GAPVD1: variants seen among roughly 807,000 people sequenced by gnomAD.
GAPVD1 encodes GTPase-activating protein and VPS9 domain-containing protein 1.
GAPVD1 carries 35 observed loss-of-function variants against 155.5 expected under a neutral mutation model. The ratio of observed to expected loss-of-function variants is 0.23; its 90% CI spans 0.17 to 0.30. The LOEUF (loss-of-function observed/expected upper bound fraction) is 0.30. Ranked by LOEUF, GAPVD1 falls within the 10% of genes least tolerant of loss-of-function variation. GAPVD1 has a pLI of 1.00. For missense variants in GAPVD1, 1,429 were observed against 1,775.7 expected (o/e 0.80, Z 3.51); for synonymous variants, 636 against 619.7 (o/e 1.03, Z -0.39).
chr9:125,272,443 G>T (rs1431604876), intron 2 of GAPVD1, among the ~76,000 whole-genome samples: 3 of 152,198 alleles, frequency 2.0e-5, no homozygotes, highest in South Asian at 2.1e-4. Flanking sequence ...ATTGCAGGTT[G>T]TGATAGGCCA....
At chr9:125,320,043 C>T (rs1459440632) in intron 9 of GAPVD1, among the ~76,000 whole-genome samples, 1 of 151,930 alleles carries the variant, frequency 6.6e-6, no homozygotes, top group Non-Finnish European at 1.5e-5. Context: ...AAAATTGTAT[C>T]TATTTATGGT....
intron 2 of GAPVD1, among the ~76,000 whole-genome samples, chr9:125,270,633 A>G (rs1463224713): frequency 6.6e-6 from 1 of 152,072 alleles, no homozygotes; most frequent in African/African-American, 2.4e-5. Flanking sequence ...AGTTTCTAAT[A>G]TTTAATATAT....
intron 16 of GAPVD1, 60 bp from the exon 17 acceptor site, chr9:125,337,160 GT>G: frequency 6.2e-7 from 1 of 1,606,044 alleles, no homozygotes; most frequent in Non-Finnish European, 8.5e-7. Flanking sequence ...AAATCCCCTT[GT>G]TAATGCCTTT....
At chr9:125,353,170 C>T (rs1056755705) in intron 23 of GAPVD1, among the ~76,000 whole-genome samples, 15 of 152,080 alleles carry the variant, frequency 9.9e-5, no homozygotes, top group African/African-American at 3.4e-4. Context: ...TGCTTTGCTG[C>T]TTAGAAATTT....
Position 125,320,054 on chromosome 9 carries a change from A to G in GAPVD1, c.1603-1379A>G, listed in dbSNP as rs548503503. Among the ~76,000 whole-genome samples, 38 of 152,310 alleles carry G rather than the reference A, an allele frequency of 2.5e-4. 1 individual carries two copies. The South Asian group carries it at 7.9e-3, about 32-fold the overall frequency. ...TGACAAAATTGTATCTATTTATGGT[A>G]TACATGTTTTGATATACATTGTGGA... On this transcript the variant is annotated intron_variant, in intron 9 of 27. Transcript: ENST00000297933.
chr9:125,313,885 A>C (rs566642124), intron 9 of GAPVD1, among the ~76,000 whole-genome samples: 1 of 152,174 alleles, frequency 6.6e-6, no homozygotes, highest in Admixed American at 6.6e-5. Context: ...ACAGGTGTGA[A>C]TCACTGCACC....
rs1473311039 is a variant in GAPVD1, at chr9:125,325,197, C to G, written c.1859-1219C>G. 4.0e-5 allele frequency among the ~76,000 whole-genome samples: 6 copies of G among 151,056 alleles called. No homozygotes were observed. In the East Asian group the frequency reaches 1.2e-3, roughly 29 times the overall value. The stretch of plus-strand genomic sequence containing the variant: ...CTGAGATCGCACCACTGCACTCTAG[C>G]CTGGGCGACAGAGTGAGACTCTGAT... On this transcript the variant is annotated intron_variant, in intron 11 of 27. Transcript: ENST00000297933.
intron 1 of GAPVD1, among the ~76,000 whole-genome samples, chr9:125,264,252 T>C (rs979451203): frequency 3.3e-5 from 5 of 152,196 alleles, no homozygotes; most frequent in African/African-American, 7.2e-5. Flanking sequence ...TGGAGTGCAG[T>C]GGCATGATCT....
At position 125,330,861 on chromosome 9, in the gene GAPVD1, C is replaced by G. The variant is rs545133479; in HGVS notation, c.2173+643C>G. On this transcript the variant is annotated intron_variant, in intron 13 of 27. Transcript: ENST00000297933. ...TCATGACAGGATAAGAGTAGCAACA[C>G]AGTTCAAACTGAGTGCTTGCTTGGT... Among the ~76,000 whole-genome samples, 6 of 152,280 alleles carry G rather than the reference C, an allele frequency of 3.9e-5. No homozygotes were observed. In the East Asian group the frequency reaches 1.2e-3, roughly 29 times the overall value.
intron 23 of GAPVD1, among the ~76,000 whole-genome samples, chr9:125,353,124 T>A (rs532231845): frequency 2.0e-5 from 3 of 150,458 alleles, no homozygotes; most frequent in East Asian, 2.0e-4. Flanking sequence ...AAAAAAAAAA[T>A]GAATACCTTT....
rs112918990 is a variant in GAPVD1 at position 125,337,211 on chromosome 9, T to C, written c.2507-10T>C. On this transcript the variant is annotated splice_polypyrimidine_tract_variant and intron_variant, in intron 16 of 27. Coordinates refer to ENST00000297933, the MANE Select transcript of GAPVD1 (RefSeq NM_001282680.3). ...GTCTCAGTTACAAAACTTTTTTTCCTGTGTTGCAGGGGCTTCTGCTGTGGT... is the reference window on the plus strand; with the variant it reads ...GTCTCAGTTACAAAACTTTTTTTCCCGTGTTGCAGGGGCTTCTGCTGTGGT... The C allele has an allele frequency of 6.2e-7, 1 of 1,612,576 alleles. No individual in the cohort carries two copies. Among genetic ancestry groups the C allele is most frequent in the Non-Finnish European group, 8.5e-7 (1 of 1,179,064 alleles).
At chr9:125,265,800 C>T (rs1183411728) in intron 1 of GAPVD1, among the ~76,000 whole-genome samples, 1 of 147,146 alleles carries the variant, frequency 6.8e-6, no homozygotes, top group Non-Finnish European at 1.5e-5. Context: ...GGCGTGGTAG[C>T]TCATGCCTAT....
At chr9:125,308,807 G>C (rs961793765) in intron 8 of GAPVD1, 1 of 152,210 alleles carries the variant, frequency 6.6e-6, no homozygotes, top group African/African-American at 2.4e-5. Context: ...GCTGTTGATA[G>C]TTTAGTTAGG....
chr9:125,367,104 A>T lies in GAPVD1; in HGVS notation c.*4358A>T, dbSNP rs945839432. 1 of 152,224 alleles carries T rather than the reference A, an allele frequency of 6.6e-6. No individual in the cohort carries two copies. The highest frequency in any genetic ancestry group is 2.4e-5 in the African/African-American group (1 of 41,462). The allele number at this position is 152,224 out of a possible 1,614,324, so 9.4% of individuals were successfully genotyped here. ...AAGTCTCAATTAATGAGCTTGCACA[A>T]TCTTGTATATGTACAGGAAACCCCT... On this transcript the variant is annotated 3_prime_UTR_variant, in exon 28 of 28. Coordinates refer to ENST00000297933, the MANE Select transcript of GAPVD1 (RefSeq NM_001282680.3).
chr9:125,329,515 C>T (rs904585456), intron 12 of GAPVD1, among the ~76,000 whole-genome samples: 1 of 152,112 alleles, frequency 6.6e-6, no homozygotes, highest in Non-Finnish European at 1.5e-5. Flanking sequence ...CTGGAGGAAA[C>T]TGGTGAAAAG....
At position 125,268,539 on chromosome 9, in the gene GAPVD1, A is replaced by G. The variant is rs369358150; in HGVS notation, c.-198-397A>G. On this transcript the variant is annotated intron_variant, in intron 1 of 27. Coordinates refer to ENST00000297933, the MANE Select transcript of GAPVD1 (RefSeq NM_001282680.3). ...TTTCGAGACAAGGTCTTGGTCTGTC[A>G]TGCAGGCTGGAGTGCAGTAACGCTA... Among the ~76,000 whole-genome samples, 5 of 133,052 alleles carry G rather than the reference A, an allele frequency of 3.8e-5. No individual in the cohort carries two copies. The East Asian group carries it at 8.5e-4, about 23-fold the overall frequency. The allele number at this position is 133,052 out of a possible 152,430, so 87.3% of individuals were successfully genotyped here. A position where few individuals can be genotyped will look rare whatever the true frequency, so the allele number is the denominator to read the frequency against.
At chr9:125,294,016 G>T (rs983634504) in intron 2 of GAPVD1, among the ~76,000 whole-genome samples, 1 of 149,302 alleles carries the variant, frequency 6.7e-6, no homozygotes, top group South Asian at 2.1e-4. Context: ...GGCTTCAAGC[G>T]ATTCTTCTGC....
chr9:125,357,650 G>A (rs1039563969), intron 25 of GAPVD1, among the ~76,000 whole-genome samples: 2 of 152,028 alleles, frequency 1.3e-5, no homozygotes, highest in East Asian at 3.9e-4. Flanking sequence ...TGTATGGCTT[G>A]TGAGTTATAT....
chr9:125,335,273 ACTTGC>A (rs1396837548), intron 15 of GAPVD1: 2 of 672,124 alleles, frequency 3.0e-6, no homozygotes, highest in Non-Finnish European at 5.4e-6. Flanking sequence ...CATTAAAAAT[ACTTGC>A]AAAAAATGTG....
Sources: allele counts gnomAD v4.1 joint callset (sites outside exome capture counted in the v4.1 genomes callset), GRCh38; gene constraint gnomAD v4.1.1; transcripts MANE v1.5; gene names NCBI Gene and HGNC (gene_info 2026-07-23, HGNC 2026-07-21).